Variants in ATP10A observed in about 807,000 individuals in gnomAD.
ATP10A encodes the protein ATPase phospholipid transporting 10A (putative).
In ATP10A, 111 loss-of-function variants were observed where a neutral mutation model predicts 147.8. The ratio of observed to expected loss-of-function variants is 0.75; its 90% CI spans 0.64 to 0.88. The LOEUF (loss-of-function observed/expected upper bound fraction) is 0.88, where lower values mean the gene tolerates loss of function less well. Ranked by LOEUF, ATP10A falls within the 40% of genes least tolerant of loss-of-function variation. The probability of loss-of-function intolerance (pLI) is 0.00; values close to 1 mark genes in which losing one functional copy is unlikely to be tolerated. For synonymous variants in ATP10A, 875 were observed against 841.6 expected (o/e 1.04, Z -0.69); for missense variants, 1,927 against 1,959.0 (o/e 0.98, Z 0.31).
intron 1 of ATP10A, among the ~76,000 whole-genome samples, chr15:25,788,760 A>G (rs1890281714): frequency 6.6e-6 from 1 of 152,246 alleles, no homozygotes; most frequent in Admixed American, 6.5e-5. Flanking sequence ...AATGGAGAAC[A>G]CAGACAGTAC....
chr15:25,680,784 G>C, intron 19 of ATP10A, 26 bp downstream of exon 19: 4 of 1,586,194 alleles, frequency 2.5e-6, no homozygotes, highest in Non-Finnish European at 3.5e-6. Context: ...GCTCTTCTGA[G>C]ACGTGGCCAT....
At position 25,680,897 on chromosome 15, in the gene ATP10A, G is replaced by A. The variant is rs1008252585; in HGVS notation, c.3591C>T (p.Asn1197=). 5.1e-5 allele frequency: 83 copies of A among 1,614,016 alleles called. No homozygotes were observed. Among genetic ancestry groups the A allele is most frequent in the Non-Finnish European group, 6.8e-5 (80 of 1,180,028 alleles). The part of the protein sequence containing the change: ...SIPYLAYYDS[N]VDLFTWGTPI... ...GGGTCCCCCAGGTAAACAGGTCCAC[G>A]TTCGAGTCATAGTAGGCCTGAAAGA... Residue 1197 remains asparagine, a synonymous_variant, in exon 19 of 21, where the codon AAC becomes AAT. Transcript: ENST00000555815.
intron 2 of ATP10A, among the ~76,000 whole-genome samples, chr15:25,757,849 TGCTCCACCCTAACTCATTCCGAC>T: frequency 6.9e-6 from 1 of 145,542 alleles, no homozygotes; most frequent in African/African-American, 2.6e-5. Flanking sequence ...TCCGACCACC[TGCTCCACCCTAACTCATTCCGAC>T]CACCTGCTCC....
At chr15:25,749,183 T>C (rs1888018538) in intron 2 of ATP10A, among the ~76,000 whole-genome samples, 2 of 152,154 alleles carry the variant, frequency 1.3e-5, no homozygotes, top group South Asian at 4.1e-4. Flanking sequence ...TATACTATAT[T>C]TACTACATGT....
intron 3 of ATP10A, among the ~76,000 whole-genome samples, chr15:25,734,586 C>A (rs1887155228): frequency 6.6e-6 from 1 of 152,112 alleles, no homozygotes. Flanking sequence ...GGGAAGATGG[C>A]CCAGGAGTCA....
chr15:25,830,949 G>C (rs1892328146), intron 1 of ATP10A, among the ~76,000 whole-genome samples: 1 of 152,192 alleles, frequency 6.6e-6, no homozygotes, highest in Admixed American at 6.5e-5. Flanking sequence ...ATACTTCCCA[G>C]GCTTCAGAGC....
chr15:25,687,616 C>T, intron 16 of ATP10A, 87 bp downstream of exon 16: 2 of 930,612 alleles, frequency 2.1e-6, no homozygotes, highest in South Asian at 4.1e-5. Context: ...CTCCCATCTG[C>T]TCCATCCTCC....
intron 2 of ATP10A, among the ~76,000 whole-genome samples, chr15:25,773,809 C>G (rs1357578684): frequency 1.5e-5 from 2 of 129,544 alleles, no homozygotes; most frequent in Non-Finnish European, 3.2e-5. Flanking sequence ...AACATACACA[C>G]CTAAACATCC....
chr15:25,763,496 G>A (rs1464289486), intron 2 of ATP10A, among the ~76,000 whole-genome samples: 2 of 152,160 alleles, frequency 1.3e-5, no homozygotes, highest in Non-Finnish European at 2.9e-5. Flanking sequence ...AGGCTTCCAC[G>A]CACATGAGTG....
chr15:25,799,818 C>T (rs1439791150), intron 1 of ATP10A, among the ~76,000 whole-genome samples: 2 of 152,188 alleles, frequency 1.3e-5, no homozygotes, highest in Non-Finnish European at 2.9e-5. Context: ...AGTCCAAACA[C>T]ATCAATTTAT....
At chr15:25,777,091 A>ATGTG (rs945383497) in intron 2 of ATP10A, among the ~76,000 whole-genome samples, 2 of 83,826 alleles carry the variant, frequency 2.4e-5, no homozygotes, top group Non-Finnish European at 5.0e-5. Context: ...GTGTGTGCAT[A>ATGTG]CGTGCGTGTG....
chr15:25,730,666 A>C (rs1302235922), intron 3 of ATP10A, among the ~76,000 whole-genome samples: 10 of 152,146 alleles, frequency 6.6e-5, no homozygotes, highest in Admixed American at 6.5e-4. Flanking sequence ...GTGGGTCCTG[A>C]CTGACATAAG....
At chr15:25,843,216 T>TCCACCCCCCACCCC (rs974248538) in intron 1 of ATP10A, among the ~76,000 whole-genome samples, 12 of 22,698 alleles carry the variant, frequency 5.3e-4, no homozygotes, top group African/African-American at 9.7e-4. Context: ...AGGCCCACCC[T>TCCACCCCCCACCCC]CCACCCCCCA....
intron 1 of ATP10A, among the ~76,000 whole-genome samples, chr15:25,792,053 G>C (rs967380932): frequency 3.3e-5 from 5 of 151,986 alleles, no homozygotes; most frequent in African/African-American, 1.2e-4. Context: ...ATTTTCCTCT[G>C]TTACGACCTG....
At chr15:25,710,892 G>T (rs1901368436) in intron 10 of ATP10A, 1 of 152,266 alleles carries the variant, frequency 6.6e-6, no homozygotes, top group Non-Finnish European at 1.5e-5. Context: ...GAAGGAGCCA[G>T]AGACTTGGGA....
chr15:25,680,793 A>G lies in ATP10A; in HGVS notation c.3678+17T>C, dbSNP rs761472847. 3 of 1,603,112 alleles carry G rather than the reference A, an allele frequency of 1.9e-6. No homozygotes were observed. Among genetic ancestry groups the G allele is most frequent in the Middle Eastern group, 2.1e-4 (1 of 4,798 alleles). ...ATCAGTGCTCTTCTGAGACGTGGCC[A>G]TGCAGGCGGCTCTTACCCAGGTTTT... On this transcript the variant is annotated intron_variant, in intron 19 of 20. Coordinates refer to ENST00000555815, the MANE Select transcript of ATP10A (RefSeq NM_024490.4).
chr15:25,760,475 T>C (rs1446787346), intron 2 of ATP10A, among the ~76,000 whole-genome samples: 3 of 152,252 alleles, frequency 2.0e-5, no homozygotes, highest in Admixed American at 1.3e-4. Context: ...AATTGCTTTA[T>C]TCCAATGCCT....
intron 3 of ATP10A, among the ~76,000 whole-genome samples, chr15:25,734,705 G>C (rs935521423): frequency 5.3e-5 from 8 of 152,166 alleles, no homozygotes; most frequent in African/African-American, 1.9e-4. Flanking sequence ...TGCTTTAATT[G>C]GCTTATTTAA....
In ATP10A at chr15:25,769,690, G is replaced by A. The variant is rs780101155; in HGVS notation, c.654+11329C>T. Among the ~76,000 whole-genome samples the A allele has an allele frequency of 4.6e-5, 7 of 152,146 alleles. No individual in the cohort carries two copies. The South Asian group carries it at 1.5e-3, about 32-fold the overall frequency. On this transcript the variant is annotated intron_variant, in intron 2 of 20. Coordinates refer to ENST00000555815, the MANE Select transcript of ATP10A (RefSeq NM_024490.4). ...TCCTGACAGTGGAGAGAATTGGGAT[G>A]CAGTGAAATGGATTGATCTGAGGTG...
Sources: gnomAD v4.1 joint callset for allele counts (sites outside exome capture counted in the v4.1 genomes callset) on GRCh38, gnomAD v4.1.1 for gene constraint, MANE v1.5 for transcripts, NCBI Gene and HGNC (gene_info 2026-07-23, HGNC 2026-07-21) for gene names.